The following DDHD2 variants were observed in gnomAD, a reference collection of about 807,000 sequenced individuals.
The protein encoded by DDHD2 is triacylglycerol hydrolase DDHD2.
In DDHD2, 62 loss-of-function variants were observed where a neutral mutation model predicts 91.2. The ratio of observed to expected loss-of-function variants is 0.68; its 90% CI spans 0.55 to 0.84. The LOEUF is 0.84. Ranked by LOEUF, DDHD2 falls within the 40% of genes least tolerant of loss-of-function variation. DDHD2 has a pLI of 0.00. For synonymous variants in DDHD2, 271 were observed against 293.9 expected (o/e 0.92, Z 0.80); for missense variants, 740 against 846.9 (o/e 0.87, Z 1.57).
downstream of DDHD2, chr8:38,263,668 G>A (rs1301744203): frequency 1.0e-6 from 1 of 985,240 alleles, no homozygotes; most frequent in Non-Finnish European, 1.2e-6. Context: ...AAGGCTTGAT[G>A]GAATTGTCAT....
chr8:38,249,996 A>G, intron 11 of DDHD2, 193 bp downstream of exon 11: 1 of 282,998 alleles, frequency 3.5e-6, no homozygotes, highest in South Asian at 6.2e-5. Context: ...AGCTCATTGC[A>G]ACCTCTGCCT....
intron 1 of DDHD2, 29 bp downstream of exon 1, chr8:38,231,888 C>G (rs1804282976): frequency 1.3e-5 from 2 of 153,406 alleles, no homozygotes; most frequent in Non-Finnish European, 2.9e-5. Flanking sequence ...GGCGGCTGGA[C>G]CGAGGGAGGC....
chr8:38,244,754 C>T (rs1000685286), intron 7 of DDHD2, among the ~76,000 whole-genome samples: 1 of 149,902 alleles, frequency 6.7e-6, no homozygotes, highest in African/African-American at 2.5e-5. Context: ...TTAGTAGAGA[C>T]GGGGTTTCAC....
chr8:38,237,666 A>G (rs1804909223), intron 4 of DDHD2, 39 bp downstream of exon 4: 1 of 1,177,644 alleles, frequency 8.5e-7, no homozygotes, highest in African/African-American at 1.5e-5. Context: ...TAAAAAGTTA[A>G]TTGCGCTATT....
At position 38,237,308 on chromosome 8, in the gene DDHD2, G is replaced by A. The variant is rs368577654; in HGVS notation, c.412-230G>A. Among the ~76,000 whole-genome samples, 6 of 152,142 alleles carry A rather than the reference G, an allele frequency of 3.9e-5. No homozygotes were observed. The South Asian group carries it at 6.2e-4, about 16-fold the overall frequency. ...AGAGAACTGCTTGAACCTGGGGGGCGGAGGTTGCAGTGAGCCGAGATTGTG... is the reference window on the plus strand; with the variant it reads ...AGAGAACTGCTTGAACCTGGGGGGCAGAGGTTGCAGTGAGCCGAGATTGTG... On this transcript the variant is annotated intron_variant, in intron 3 of 17. Transcript: ENST00000397166.
At chr8:38,237,655 A>G (rs780911132) in intron 4 of DDHD2, 28 bp downstream of exon 4, 3 of 1,347,964 alleles carry the variant, frequency 2.2e-6, no homozygotes, top group Non-Finnish European at 2.1e-6. Context: ...TCTTGTCGGG[A>G]TAAAAAGTTA....
At chr8:38,266,296 A>G (rs1466016736), downstream of DDHD2, 1 of 1,612,772 alleles carries the variant, frequency 6.2e-7, no homozygotes, top group African/African-American at 1.3e-5. Context: ...CGCAAAGGCC[A>G]GACCAGCAAA....
At position 38,242,261 on chromosome 8, in the gene DDHD2, C is replaced by T. The variant is rs1380005347; in HGVS notation, c.724C>T (p.Arg242Cys). The change falls in exon 7 of 18, where the codon CGC becomes TGC. Residue 242 changes from arginine to cysteine, a missense_variant. Physicochemically the swap from Arg to Cys is radical, Grantham distance 180 (BLOSUM62 -3). Transcript: ENST00000397166. ...ATTTTCTTTTCCAGTTAATGATTTT[C>T]GCAGTGTTTCCTTGAACTTGCTACA... The part of the protein sequence containing the change: ...RSIVQCVNDF[R>C]SVSLNLLQTH... 2.2e-5 allele frequency: 35 copies of T among 1,585,754 alleles called. No homozygotes were observed. Among genetic ancestry groups the T allele is most frequent in the Non-Finnish European group, 2.8e-5 (33 of 1,171,724 alleles).
rs529867622 is a variant in DDHD2, at chr8:38,268,242, C to A, written n.88-2880C>A. 3.7e-6 allele frequency: 4 copies of A among 1,082,012 alleles called. No homozygotes were observed. The African/African-American group carries it at 4.8e-5, about 13-fold the overall frequency. 67.0% of individuals were successfully genotyped at this position (1,082,012 alleles called of 1,614,324 possible). Reference sequence around the variant, plus strand: ...TCCCTGCAGTGCTATTTTCCTCTCCCGCGGGGATAGAGTTCCTTTAGGAAT... The same window carrying A: ...TCCCTGCAGTGCTATTTTCCTCTCCAGCGGGGATAGAGTTCCTTTAGGAAT... On this transcript the variant is annotated intron_variant and non_coding_transcript_variant, in intron 1 of 1. Coordinates refer to the DDHD2 transcript ENST00000526071.
At chr8:38,263,503 T>C, downstream of DDHD2, 6 of 985,472 alleles carry the variant, frequency 6.1e-6, no homozygotes, top group Non-Finnish European at 7.2e-6. Flanking sequence ...ACCACACTCC[T>C]GACCATTTTC....
chr8:38,233,307 A>G, intron 2 of DDHD2, 93 bp downstream of exon 2: 1 of 955,564 alleles, frequency 1.0e-6, no homozygotes, highest in South Asian at 1.8e-5. Context: ...TGAAAACCAA[A>G]TTTTAGATTT....
chr8:38,242,050 T>A, intron 6 of DDHD2, 200 bp from the exon 7 acceptor site: 1 of 499,730 alleles, frequency 2.0e-6, no homozygotes, highest in Non-Finnish European at 3.5e-6. Context: ...CAGTACTCCA[T>A]CTCAAAAAAA....
At chr8:38,255,252 T>C in intron 16 of DDHD2, 1 of 354,248 alleles carries the variant, frequency 2.8e-6, no homozygotes, top group Non-Finnish European at 5.4e-6. Flanking sequence ...TTCCCTTGAA[T>C]TCTGATGAGG....
Position 38,245,903 on chromosome 8 carries a change from G to A in DDHD2, c.1010G>A (p.Arg337Lys). The A allele has an allele frequency of 1.2e-6, 2 of 1,614,012 alleles. No homozygotes were observed. The highest frequency in any genetic ancestry group is 1.7e-6 in the Non-Finnish European group (2 of 1,180,038). The change falls in exon 8 of 18, where the codon AGG becomes AAG. Residue 337 changes from arginine to lysine, a missense_variant. This residue lies in a region of DDHD2 where 693 missense variants were observed against 764.2 expected (regional missense o/e 0.91). Transcript: ENST00000397166. ...MNRIYTLFLQ[R>K]NPDFKGGVSI... ...CGAATATACACACTTTTTCTACAGAGGAACCCTGATTTCAAAGGGGGTGTA... is the reference window on the plus strand; with the variant it reads ...CGAATATACACACTTTTTCTACAGAAGAACCCTGATTTCAAAGGGGGTGTA...
chr8:38,247,793 C>A lies in DDHD2; in HGVS notation c.1206C>A (p.Phe402Leu). ...TGAAGAAACTTCAGCTCTCTGAATT[C>A]TTTGATATCTTTGAGAAGGAGAAAG... ...EDLKKLQLSE[F>L]FDIFEKEKVD... Residue 402 changes from phenylalanine to leucine, a missense_variant, in exon 10 of 18, where the codon TTC becomes TTA. Transcript: ENST00000397166. 6.3e-7 allele frequency: 1 copy of A among 1,584,906 alleles called. No homozygotes were observed. The highest frequency in any genetic ancestry group is 8.6e-7 in the Non-Finnish European group (1 of 1,166,390).
chr8:38,264,008 G>A (rs1347351469), downstream of DDHD2: 2 of 986,146 alleles, frequency 2.0e-6, no homozygotes, highest in Admixed American at 6.1e-5. Flanking sequence ...GGGCAAAAGT[G>A]TGTAATCATT....
At chr8:38,259,365 C>T (rs10098723) in intron 16 of DDHD2, among the ~76,000 whole-genome samples, 1,685 of 151,292 alleles carry the variant, frequency 0.011, 35 homozygotes, top group African/African-American at 0.036. Flanking sequence ...GGACTACAGT[C>T]GCATGCTGCC....
chr8:38,254,986 A>T (rs1417896338), intron 16 of DDHD2, among the ~76,000 whole-genome samples: 1 of 152,098 alleles, frequency 6.6e-6, no homozygotes, highest in Non-Finnish European at 1.5e-5. Context: ...GTGTTTTAAA[A>T]ATGAAAGCTC....
At chr8:38,237,671 G>C in intron 4 of DDHD2, 44 bp downstream of exon 4, 2 of 1,097,964 alleles carry the variant, frequency 1.8e-6, no homozygotes, top group Non-Finnish European at 2.7e-6. Flanking sequence ...AGTTAATTGC[G>C]CTATTAGGGA....
Sources: allele counts gnomAD v4.1 joint callset (sites outside exome capture counted in the v4.1 genomes callset), GRCh38; gene constraint gnomAD v4.1.1; regional missense constraint gnomAD v4.1.1; transcripts MANE v1.5; gene names NCBI Gene and HGNC (gene_info 2026-07-23, HGNC 2026-07-21).